TCEA3: variants seen among roughly 807,000 people sequenced by gnomAD.
TCEA3 encodes transcription elongation factor A3, also known as transcription elongation factor A protein 3.
TCEA3 carries 36 observed loss-of-function variants against 44.0 expected under a neutral mutation model. That is an observed-to-expected ratio of 0.82 (90% CI 0.63 to 1.08). The LOEUF (loss-of-function observed/expected upper bound fraction) is 1.08. Among genes scored for constraint, TCEA3 ranks in the 50% least tolerant of loss-of-function variants. TCEA3 has a pLI of 0.00. For missense variants in TCEA3, 392 were observed against 441.2 expected, an observed-to-expected ratio of 0.89 and a Z score of 1.00; for synonymous variants, 162 against 159.7, an observed-to-expected ratio of 1.01 and a Z score of -0.11.
intron 8 of TCEA3, among the ~76,000 whole-genome samples, chr1:23,389,397 G>A (rs1297449057): frequency 3.3e-5 from 5 of 151,376 alleles, no homozygotes; most frequent in Non-Finnish European, 7.4e-5. Context: ...GCTGAAGCAG[G>A]ACAATTGCTT....
chr1:23,412,862 T>C (rs1214315068), intron 4 of TCEA3, among the ~76,000 whole-genome samples: 2 of 152,246 alleles, frequency 1.3e-5, no homozygotes, highest in Admixed American at 6.5e-5. Context: ...GTTTCACTAA[T>C]GTGGTTACAG....
chr1:23,419,262 G>A (rs1639987091), intron 1 of TCEA3, 123 bp from the exon 2 acceptor site: 3 of 638,632 alleles, frequency 4.7e-6, no homozygotes, highest in Non-Finnish European at 7.9e-6. Context: ...GGACAGGCAA[G>A]GGGCAGAAGG....
intron 1 of TCEA3, chr1:23,423,842 T>C: frequency 4.4e-6 from 2 of 456,002 alleles, no homozygotes; most frequent in Non-Finnish European, 8.8e-6. Context: ...GGTAGGGCTG[T>C]CAGCCCTGCT....
intron 10 of TCEA3, among the ~76,000 whole-genome samples, chr1:23,382,204 G>A (rs190507923): frequency 2.0e-5 from 3 of 152,032 alleles, no homozygotes; most frequent in East Asian, 3.9e-4. Context: ...GTGTCACCAC[G>A]CCTGGCTAAT....
chr1:23,384,905 C>T (rs1352069122), intron 9 of TCEA3, among the ~76,000 whole-genome samples: 1 of 152,058 alleles, frequency 6.6e-6, no homozygotes, highest in Non-Finnish European at 1.5e-5. Flanking sequence ...TGCCTCAAGA[C>T]TTATCTCCTA....
intron 9 of TCEA3, among the ~76,000 whole-genome samples, chr1:23,386,026 C>G (rs1028628498): frequency 2.0e-5 from 3 of 152,110 alleles, no homozygotes; most frequent in African/African-American, 7.2e-5. Context: ...ACTCTTCAGC[C>G]GCCATGAGTC....
At chr1:23,408,002 C>A (rs1167869963) in intron 5 of TCEA3, among the ~76,000 whole-genome samples, 1 of 151,888 alleles carries the variant, frequency 6.6e-6, no homozygotes, top group African/African-American at 2.4e-5. Flanking sequence ...CACTCTGTTG[C>A]CCAGGTTGGA....
chr1:23,383,114 C>T (rs1457884043), intron 10 of TCEA3, among the ~76,000 whole-genome samples: 2 of 152,010 alleles, frequency 1.3e-5, no homozygotes, highest in Non-Finnish European at 2.9e-5. Flanking sequence ...CCCGTCTCTA[C>T]TAAAAATACA....
chr1:23,400,216 C>T (rs536803558), intron 5 of TCEA3, among the ~76,000 whole-genome samples: 14 of 152,242 alleles, frequency 9.2e-5, no homozygotes, highest in Non-Finnish European at 1.9e-4. Context: ...TCACAAATTA[C>T]TGGGCCCATT....
intron 5 of TCEA3, among the ~76,000 whole-genome samples, chr1:23,398,581 T>G (rs1478853207): frequency 1.3e-5 from 2 of 152,190 alleles, no homozygotes; most frequent in Non-Finnish European, 1.5e-5. Flanking sequence ...TGCCAGGCAC[T>G]TTAAAAGAAT....
intron 5 of TCEA3, among the ~76,000 whole-genome samples, chr1:23,404,353 A>G (rs887381336): frequency 8.0e-5 from 12 of 150,498 alleles, no homozygotes; most frequent in African/African-American, 2.5e-4. Context: ...GACTCTCCTG[A>G]CTCGCCTCCC....
intron 8 of TCEA3, among the ~76,000 whole-genome samples, chr1:23,392,478 C>A: frequency 2.0e-5 from 1 of 51,060 alleles, no homozygotes; most frequent in Non-Finnish European, 3.8e-5. Flanking sequence ...ATACACACCA[C>A]ACACTCCACA....
intron 3 of TCEA3, 116 bp from the exon 4 acceptor site, chr1:23,417,506 C>A: frequency 7.0e-7 from 1 of 1,424,680 alleles, no homozygotes; most frequent in Non-Finnish European, 9.3e-7. Context: ...CACACACTCC[C>A]AACACACACA....
chr1:23,408,740 A>C lies in TCEA3; in HGVS notation c.381-14T>G. The C allele has an allele frequency of 6.3e-7, 1 of 1,597,966 alleles. No homozygotes were observed. On this transcript the variant is annotated splice_polypyrimidine_tract_variant and intron_variant, in intron 4 of 10. Coordinates refer to ENST00000450454, the MANE Select transcript of TCEA3 (RefSeq NM_003196.3). ...ACAGAGTCTCTCCTGAAAGAAGAAA[A>C]TTGGCAAGGAGACTGCTTTGTAGAC...
intron 4 of TCEA3, among the ~76,000 whole-genome samples, chr1:23,412,445 G>A (rs1475568916): frequency 6.7e-6 from 1 of 149,998 alleles, no homozygotes; most frequent in Non-Finnish European, 1.5e-5. Context: ...GCTCACACCT[G>A]TAATCCCAGC....
At chr1:23,383,004 G>A (rs956148048) in intron 10 of TCEA3, among the ~76,000 whole-genome samples, 2 of 152,242 alleles carry the variant, frequency 1.3e-5, no homozygotes, top group African/African-American at 2.4e-5. Context: ...TAGAGGCCGG[G>A]CGCGGCGGCT....
chr1:23,424,155 A>C (rs1640147104), intron 1 of TCEA3, among the ~76,000 whole-genome samples: 5 of 146,518 alleles, frequency 3.4e-5, no homozygotes, highest in Admixed American at 6.7e-5. Flanking sequence ...GGCCACCCGG[A>C]TTTGCCCCCC....
chr1:23,400,774 G>A (rs1639375345), intron 5 of TCEA3, among the ~76,000 whole-genome samples: 2 of 152,134 alleles, frequency 1.3e-5, no homozygotes, highest in Non-Finnish European at 2.9e-5. Flanking sequence ...AGCCCTTGTG[G>A]AAGCGCCCAG....
At chr1:23,385,615 G>A (rs1294889016) in intron 9 of TCEA3, among the ~76,000 whole-genome samples, 3 of 152,172 alleles carry the variant, frequency 2.0e-5, no homozygotes, top group Non-Finnish European at 4.4e-5. Context: ...GGTGTGTGCC[G>A]AACAGACGGA....
Sources: allele counts gnomAD v4.1 joint callset (sites outside exome capture counted in the v4.1 genomes callset), GRCh38; gene constraint gnomAD v4.1.1; transcripts MANE v1.5; gene names NCBI Gene and HGNC (gene_info 2026-07-23, HGNC 2026-07-21).